The following USH2A variants were observed in gnomAD, a reference collection of about 807,000 sequenced individuals.
USH2A encodes the protein Usher syndrome 2A (autosomal recessive, mild).
In USH2A, 443 loss-of-function variants were observed where a neutral mutation model predicts 538.9. The observed-to-expected ratio is 0.82, with a 90% CI of 0.76 to 0.89. The LOEUF (loss-of-function observed/expected upper bound fraction) is 0.89, where lower values mean the gene tolerates loss of function less well. USH2A is among the 40% of genes least tolerant of loss of function. The pLI is 0.00. For missense variants in USH2A, 6,633 were observed against 6,324.8 expected (o/e 1.05, Z -1.65); for synonymous variants, 2,413 against 2,273.5 (o/e 1.06, Z -1.75).
chr1:215,946,483 C>A (rs1487611255), intron 37 of USH2A, among the ~76,000 whole-genome samples: 6 of 152,160 alleles, frequency 3.9e-5, no homozygotes, highest in Non-Finnish European at 8.8e-5. Context: ...TAAAACCCAG[C>A]AACTGTTTGA....
At chr1:215,803,456 T>C (rs1662400571) in intron 49 of USH2A, among the ~76,000 whole-genome samples, 1 of 152,164 alleles carries the variant, frequency 6.6e-6, no homozygotes, top group African/African-American at 2.4e-5. Context: ...AACATCAATG[T>C]GCAAAAATCA....
At chr1:215,681,101 AAAG>A (rs1466701534) in intron 61 of USH2A, among the ~76,000 whole-genome samples, 1 of 152,210 alleles carries the variant, frequency 6.6e-6, no homozygotes, top group Non-Finnish European at 1.5e-5. Flanking sequence ...CTTTAAAAGA[AAAG>A]AAAAAAAGGG....
chr1:215,659,381 A>G (rs529647456), intron 64 of USH2A, among the ~76,000 whole-genome samples: 1 of 152,298 alleles, frequency 6.6e-6, no homozygotes, highest in South Asian at 2.1e-4. Flanking sequence ...AAGCAATGGG[A>G]TGAGGACAGA....
chr1:215,766,483 G>T (rs1177400726), intron 56 of USH2A, among the ~76,000 whole-genome samples, 198 bp downstream of exon 56: 1 of 152,122 alleles, frequency 6.6e-6, no homozygotes, highest in African/African-American at 2.4e-5. Context: ...AAAGGTTAAA[G>T]AATTGAAAGC....
intron 67 of USH2A, among the ~76,000 whole-genome samples, chr1:215,641,875 AT>A (rs1313977698): frequency 6.6e-6 from 1 of 152,162 alleles, no homozygotes; most frequent in Admixed American, 6.5e-5. Flanking sequence ...CATAAGAAAA[AT>A]TTTCTGCAAA....
Position 215,799,005 on chromosome 1 carries a change from T to G in USH2A, c.9860A>C (p.His3287Pro). 1 of 1,614,094 alleles carries G rather than the reference T, an allele frequency of 6.2e-7. No individual in the cohort carries two copies. The highest frequency in any genetic ancestry group is 8.5e-7 in the Non-Finnish European group (1 of 1,179,990). ...GNQICCAGRL[H>P]DGHGQKCCGR... ...ACAGCACTTCTGGCCATGGCCATCA[T>G]GAAGCCTCCCAGCACAGCAAATCTG... Residue 3287 changes from histidine (H) to proline (P), a missense_variant, in exon 50 of 72, where the codon CAT becomes CCT. Transcript: ENST00000307340.
At chr1:215,868,756 A>G (rs991175414) in intron 43 of USH2A, among the ~76,000 whole-genome samples, 2 of 152,232 alleles carry the variant, frequency 1.3e-5, no homozygotes, top group Non-Finnish European at 2.9e-5. Context: ...GGATACACAC[A>G]GGGAGGTGAT....
chr1:216,393,068 C>T (rs1210128067), intron 3 of USH2A, among the ~76,000 whole-genome samples: 1 of 152,132 alleles, frequency 6.6e-6, no homozygotes, highest in Non-Finnish European at 1.5e-5. Flanking sequence ...AGTTAAAATG[C>T]TTTAAGCAAA....
chr1:215,785,626 G>A lies in USH2A; in HGVS notation c.10387+1044C>T, dbSNP rs146091317. 4.0e-3 allele frequency among the ~76,000 whole-genome samples: 604 copies of A among 152,256 alleles called. 4 individuals are homozygous for A. The highest frequency in any genetic ancestry group is 0.016 in the South Asian group (77 of 4,824). On this transcript the variant is annotated intron_variant, in intron 52 of 71. Coordinates refer to ENST00000307340, the MANE Select transcript of USH2A (RefSeq NM_206933.4). ...TATACATGTAACAAACCTGCACGTT[G>A]TGCACATGTACCCTAGAACTTAAAG...
At chr1:215,756,070 C>A (rs1660785863) in intron 58 of USH2A, among the ~76,000 whole-genome samples, 1 of 152,084 alleles carries the variant, frequency 6.6e-6, no homozygotes, top group Non-Finnish European at 1.5e-5. Context: ...ATTCTTCAAA[C>A]AATCACCATT....
intron 61 of USH2A, among the ~76,000 whole-genome samples, chr1:215,715,148 C>T (rs376971483): frequency 6.6e-6 from 1 of 152,180 alleles, no homozygotes; most frequent in African/African-American, 2.4e-5. Context: ...TCCCCTCACC[C>T]CCCTAATAGG....
At chr1:215,910,238 A>C (rs1480459124) in intron 38 of USH2A, among the ~76,000 whole-genome samples, 1 of 152,010 alleles carries the variant, frequency 6.6e-6, no homozygotes, top group Non-Finnish European at 1.5e-5. Context: ...ATGTTCAATT[A>C]GCACTTTTTA....
chr1:215,932,583 T>C (rs1219133022), intron 38 of USH2A, among the ~76,000 whole-genome samples: 2 of 152,002 alleles, frequency 1.3e-5, no homozygotes, highest in African/African-American at 4.8e-5. Flanking sequence ...TCAACAACAA[T>C]CTAATGAAAA....
intron 32 of USH2A, among the ~76,000 whole-genome samples, chr1:216,025,263 A>G (rs947131342): frequency 7.9e-5 from 12 of 151,904 alleles, no homozygotes; most frequent in Non-Finnish European, 1.6e-4. Context: ...AAAATAAATT[A>G]ATATATACAC....
chr1:216,240,747 A>G (rs1246735894), intron 13 of USH2A, among the ~76,000 whole-genome samples: 1 of 152,130 alleles, frequency 6.6e-6, no homozygotes, highest in Non-Finnish European at 1.5e-5. Flanking sequence ...AGCTACTAGA[A>G]CATGTGCTCT....
chr1:216,180,896 G>T (rs998642224), intron 20 of USH2A, among the ~76,000 whole-genome samples: 1 of 152,084 alleles, frequency 6.6e-6, no homozygotes, highest in Admixed American at 6.6e-5. Context: ...ACTGGACCAG[G>T]ACGCAAACAA....
chr1:216,098,904 A>G (rs766527826), intron 21 of USH2A, among the ~76,000 whole-genome samples: 18 of 152,192 alleles, frequency 1.2e-4, no homozygotes, highest in Non-Finnish European at 2.4e-4. Flanking sequence ...TCCTAGAGGT[A>G]TGGAAAGTTT....
At chr1:215,779,701 A>C in intron 55 of USH2A, 142 bp downstream of exon 55, 1 of 955,344 alleles carries the variant, frequency 1.0e-6, no homozygotes, top group South Asian at 1.4e-5. Context: ...AGCATGGATA[A>C]GTGGGACCTG....
At chr1:215,933,753 C>T (rs1377552839) in intron 38 of USH2A, among the ~76,000 whole-genome samples, 1 of 151,964 alleles carries the variant, frequency 6.6e-6, no homozygotes, top group Non-Finnish European at 1.5e-5. Flanking sequence ...AGAATATACT[C>T]ATTCCTGGGA....
Sources: allele counts gnomAD v4.1 joint callset (sites outside exome capture counted in the v4.1 genomes callset), GRCh38; gene constraint gnomAD v4.1.1; transcripts MANE v1.5; gene names NCBI Gene and HGNC (gene_info 2026-07-23, HGNC 2026-07-21).